DLGAP2: variants seen among roughly 807,000 people sequenced by gnomAD.
DLGAP2 encodes the protein DLG associated protein 2, also known as disks large-associated protein 2.
In DLGAP2, 26 loss-of-function variants were observed where a neutral mutation model predicts 100.3. That is an observed-to-expected ratio of 0.26 (90% CI 0.19 to 0.36). DLGAP2 has a LOEUF of 0.36. DLGAP2 is among the 10% of genes least tolerant of loss of function. The pLI is 1.00. For synonymous variants in DLGAP2, 886 were observed against 630.1 expected, an observed-to-expected ratio of 1.41 and a Z score of -6.08; for missense variants, 1,858 against 1,453.2, an observed-to-expected ratio of 1.28 and a Z score of -4.53.
At chr8:1,146,616 C>CGTGTGTGCATGCATGTGTGTGCATGTGA (rs1796612557) in intron 2 of DLGAP2, among the ~76,000 whole-genome samples, 4 of 151,824 alleles carry the variant, frequency 2.6e-5, no homozygotes, top group African/African-American at 9.7e-5. Flanking sequence ...TGTGCATGCA[C>CGTGTGTGCATGCATGTGTGTGCATGTGA]GTGTGTGCAT....
At chr8:1,334,549 G>A (rs900608795) in intron 3 of DLGAP2, among the ~76,000 whole-genome samples, 14 of 152,190 alleles carry the variant, frequency 9.2e-5, no homozygotes, top group Non-Finnish European at 1.3e-4. Flanking sequence ...AGGAAGTCAC[G>A]CAGATGTGAG....
chr8:1,062,181 A>G (rs1803103877), intron 2 of DLGAP2, among the ~76,000 whole-genome samples: 1 of 152,076 alleles, frequency 6.6e-6, no homozygotes, highest in Non-Finnish European at 1.5e-5. Context: ...CCTGCTCTGC[A>G]CCAAGCAGCC....
chr8:1,460,813 C>T (rs1798450658), intron 3 of DLGAP2, among the ~76,000 whole-genome samples: 1 of 152,168 alleles, frequency 6.6e-6, no homozygotes, highest in South Asian at 2.1e-4. Context: ...GTAAAGACTG[C>T]AATATACAAA....
intron 2 of DLGAP2, among the ~76,000 whole-genome samples, chr8:1,146,874 A>G (rs945431251): frequency 1.3e-5 from 2 of 152,180 alleles, no homozygotes; most frequent in Non-Finnish European, 2.9e-5. Context: ...TTTGTCAAAC[A>G]CTGAGCCAAT....
In DLGAP2 at chr8:1,436,851, C is replaced by T. The variant is rs191405493; in HGVS notation, c.107-64515C>T. ...ACGTACCATTTTTAACCTTTTGTAC[C>T]ATATTTTTACTGTAGCTTTTCTATG... On this transcript the variant is annotated intron_variant, in intron 3 of 14. Coordinates refer to ENST00000637795, the MANE Select transcript of DLGAP2 (RefSeq NM_001346810.2). Among the ~76,000 whole-genome samples, 235 of 152,290 alleles carry T rather than the reference C, an allele frequency of 1.5e-3. 1 individual carries two copies. The highest frequency in any genetic ancestry group is 5.4e-3 in the African/African-American group (223 of 41,562).
intron 2 of DLGAP2, among the ~76,000 whole-genome samples, chr8:998,744 G>T (rs1449463526): frequency 6.6e-6 from 1 of 152,132 alleles, no homozygotes; most frequent in East Asian, 1.9e-4. Context: ...AGGAAAACTT[G>T]GGTTCTTTTA....
At chr8:1,533,659 A>G (rs1430678164) in intron 4 of DLGAP2, among the ~76,000 whole-genome samples, 1 of 152,240 alleles carries the variant, frequency 6.6e-6, no homozygotes, top group African/African-American at 2.4e-5. Context: ...AAAGGTTCTG[A>G]GTTTCTGTCA....
chr8:1,524,800 C>T (rs534138306), intron 4 of DLGAP2, among the ~76,000 whole-genome samples: 5 of 152,240 alleles, frequency 3.3e-5, no homozygotes, highest in African/African-American at 1.2e-4. Context: ...TTTCTGTGAA[C>T]ATCTCAGGTC....
intron 2 of DLGAP2, chr8:927,028 GA>G (rs1365684467): frequency 4.5e-5 from 44 of 985,334 alleles, no homozygotes; most frequent in Non-Finnish European, 5.3e-5. Context: ...AAAGAGCTCA[GA>G]GCCGGGGACT....
intron 2 of DLGAP2, among the ~76,000 whole-genome samples, chr8:1,257,301 A>C (rs59728032): frequency 6.6e-6 from 1 of 151,930 alleles, no homozygotes. Flanking sequence ...CGAAGGAACC[A>C]TGAGAGCCTG....
chr8:1,176,932 G>A (rs1359245569), intron 2 of DLGAP2, among the ~76,000 whole-genome samples: 1 of 152,188 alleles, frequency 6.6e-6, no homozygotes, highest in African/African-American at 2.4e-5. Context: ...TGGCAGCAAA[G>A]CAGCACAATT....
At position 811,045 on chromosome 8, in the gene DLGAP2, T is replaced by G. The variant is rs561219919; in HGVS notation, c.18+73220T>G. The stretch of plus-strand genomic sequence containing the variant: ...GGCATCGCTGTCATCTCCCGGACTT[T>G]CCTCTTCACTTTCTTGGTCGTGACC... On this transcript the variant is annotated intron_variant, in intron 1 of 14. Transcript: ENST00000637795. Among the ~76,000 whole-genome samples, 9 of 152,322 alleles carry G rather than the reference T, an allele frequency of 5.9e-5. No homozygotes were observed. The East Asian group carries it at 1.2e-3, about 20-fold the overall frequency.
intron 3 of DLGAP2, among the ~76,000 whole-genome samples, chr8:1,453,483 G>A (rs1345303936): frequency 6.6e-6 from 1 of 152,148 alleles, no homozygotes; most frequent in East Asian, 1.9e-4. Flanking sequence ...ATGCTGGAGT[G>A]TTGGCGTGGC....
chr8:1,193,212 G>T (rs573840814), intron 2 of DLGAP2, among the ~76,000 whole-genome samples: 1 of 152,158 alleles, frequency 6.6e-6, no homozygotes, highest in African/African-American at 2.4e-5. Context: ...TGGGTCAAAT[G>T]GTATTTCTAG....
At chr8:1,199,731 T>C (rs893536511) in intron 2 of DLGAP2, among the ~76,000 whole-genome samples, 2 of 152,218 alleles carry the variant, frequency 1.3e-5, no homozygotes, top group African/African-American at 4.8e-5. Context: ...GCTGAATGTT[T>C]GTATCTAGGA....
chr8:1,337,418 GGAT>G (rs1801308343), intron 3 of DLGAP2, among the ~76,000 whole-genome samples: 1 of 866 alleles, frequency 1.2e-3, no homozygotes, highest in African/African-American at 6.6e-3. Flanking sequence ...GTGATGGTGA[GGAT>G]GATGGTGATG....
At chr8:1,424,803 A>T (rs903237748) in intron 3 of DLGAP2, among the ~76,000 whole-genome samples, 4 of 152,182 alleles carry the variant, frequency 2.6e-5, no homozygotes, top group African/African-American at 7.2e-5. Context: ...GGACAGTATG[A>T]TCCCCTTATA....
intron 3 of DLGAP2, among the ~76,000 whole-genome samples, chr8:1,371,712 G>C (rs1802242062): frequency 1.3e-5 from 2 of 152,212 alleles, no homozygotes; most frequent in Admixed American, 6.5e-5. Context: ...TGGAAGAATA[G>C]AATTGTGGCA....
At chr8:1,646,765 G>C (rs913735011) in intron 8 of DLGAP2, among the ~76,000 whole-genome samples, 3 of 152,212 alleles carry the variant, frequency 2.0e-5, no homozygotes, top group Non-Finnish European at 2.9e-5. Flanking sequence ...TGCTGGGACA[G>C]GTCACTAGTT....
Sources: allele counts gnomAD v4.1 joint callset (sites outside exome capture counted in the v4.1 genomes callset), GRCh38; gene constraint gnomAD v4.1.1; transcripts MANE v1.5; gene names NCBI Gene and HGNC (gene_info 2026-07-23, HGNC 2026-07-21).